AIG1: variants seen among roughly 807,000 people sequenced by gnomAD.
The protein encoded by AIG1 is androgen-induced gene 1 protein.
In AIG1, 23 loss-of-function variants were observed where a neutral mutation model predicts 31.4. The ratio of observed to expected loss-of-function variants is 0.73; its 90% CI spans 0.53 to 1.04. The LOEUF (loss-of-function observed/expected upper bound fraction) is 1.04. Ranked by LOEUF, AIG1 falls within the 50% of genes least tolerant of loss-of-function variation. The pLI, the probability that AIG1 is intolerant of heterozygous loss-of-function variation, is 0.00. For synonymous variants in AIG1, 100 were observed against 110.5 expected (o/e 0.90, Z 0.60); for missense variants, 274 against 295.0 (o/e 0.93, Z 0.52).
intron 4 of AIG1, among the ~76,000 whole-genome samples, chr6:143,294,627 G>A (rs1336453765): frequency 6.6e-6 from 1 of 152,200 alleles, no homozygotes; most frequent in Non-Finnish European, 1.5e-5. Flanking sequence ...TGTGGCTTCA[G>A]CTGTCATTAC....
chr6:143,187,833 GTGCCATTTCTCAA>G, intron 3 of AIG1: 1 of 1,463,430 alleles, frequency 6.8e-7, no homozygotes, highest in Non-Finnish European at 9.0e-7. Context: ...CCTTCAAGAA[GTGCCATTTCTCAA>G]GCGATGTACA....
At chr6:143,278,986 G>A (rs188723096) in intron 3 of AIG1, among the ~76,000 whole-genome samples, 366 of 152,052 alleles carry the variant, frequency 2.4e-3, no homozygotes, top group Non-Finnish European at 3.2e-3. Flanking sequence ...TGAGTGAATT[G>A]GGTGAGAACT....
rs567907410 is a variant in AIG1 at position 143,124,156 on chromosome 6, T to G, written c.142-12679T>G. Among the ~76,000 whole-genome samples the G allele has an allele frequency of 3.3e-5, 5 of 152,316 alleles. No individual in the cohort carries two copies. In the South Asian group the frequency reaches 1.0e-3, roughly 32 times the overall value. On this transcript the variant is annotated intron_variant, in intron 1 of 5. Transcript: ENST00000357847. Reference sequence around the variant, plus strand: ...CAGTTCCAAATCACCCTTCAACACCTTCTGTTCCTTAGCAGACTGGATTTT... The same window carrying G: ...CAGTTCCAAATCACCCTTCAACACCGTCTGTTCCTTAGCAGACTGGATTTT...
downstream of AIG1, chr6:143,342,720 G>A (rs1229460627): frequency 1.3e-5 from 13 of 992,646 alleles, no homozygotes; most frequent in African/African-American, 6.3e-5. Flanking sequence ...ATTAACAAGC[G>A]GTGGAATAAC....
chr6:143,292,223 G>A lies in AIG1; in HGVS notation c.515+7998G>A, dbSNP rs1248772086. On this transcript the variant is annotated intron_variant, in intron 4 of 5. Transcript: ENST00000357847. This position sits in a 1 kb window ranked among gnomAD's most constrained non-coding sequence, Gnocchi z 4.9. ...ACATCCTAAAATCCCCAGAACTTGT[G>A]GATATGTTCCCTGACATGGCATGTG... 6.6e-6 allele frequency among the ~76,000 whole-genome samples: 1 copy of A among 152,174 alleles called. No individual in the cohort carries two copies. Among genetic ancestry groups the A allele is most frequent in the Non-Finnish European group, 1.5e-5 (1 of 68,040 alleles).
At chr6:143,212,095 C>T (rs1791639280) in intron 3 of AIG1, among the ~76,000 whole-genome samples, 1 of 152,128 alleles carries the variant, frequency 6.6e-6, no homozygotes, top group Non-Finnish European at 1.5e-5. Context: ...TCCCTGGCCT[C>T]TTCTTACCAG....
intron 4 of AIG1, among the ~76,000 whole-genome samples, chr6:143,303,343 GT>G (rs1188406660): frequency 6.6e-6 from 1 of 151,898 alleles, no homozygotes; most frequent in East Asian, 1.9e-4. Context: ...TTCTTCTAGG[GT>G]TTTTATGGTT....
chr6:143,318,788 A>T (rs1775965341), intron 4 of AIG1, among the ~76,000 whole-genome samples: 1 of 152,018 alleles, frequency 6.6e-6, no homozygotes, highest in Non-Finnish European at 1.5e-5. Context: ...GCAAGGAAAA[A>T]AAAAAATCCC....
At chr6:143,116,660 A>C (rs1378880080) in intron 1 of AIG1, among the ~76,000 whole-genome samples, 1 of 149,216 alleles carries the variant, frequency 6.7e-6, no homozygotes, top group East Asian at 2.0e-4. Flanking sequence ...CAGGTTCAAG[A>C]GGCAGAAGAG....
chr6:143,152,632 A>T (rs1785340470), intron 2 of AIG1, among the ~76,000 whole-genome samples: 1 of 152,212 alleles, frequency 6.6e-6, no homozygotes, highest in Admixed American at 6.5e-5. Flanking sequence ...AAATGGATCT[A>T]ACTCTGGGCC....
At chr6:143,183,982 A>C (rs534128995) in intron 3 of AIG1, among the ~76,000 whole-genome samples, 2 of 152,310 alleles carry the variant, frequency 1.3e-5, no homozygotes, top group South Asian at 2.1e-4. Context: ...CAACCTCAGC[A>C]CACATCATTG....
intron 4 of AIG1, among the ~76,000 whole-genome samples, chr6:143,309,350 A>G (rs947727457): frequency 1.3e-5 from 2 of 152,140 alleles, no homozygotes; most frequent in African/African-American, 4.8e-5. Context: ...AAGAGCATAG[A>G]ATAAGGAATA....
intron 3 of AIG1, among the ~76,000 whole-genome samples, chr6:143,175,415 T>A (rs1376043407): frequency 6.6e-6 from 1 of 152,238 alleles, no homozygotes; most frequent in Non-Finnish European, 1.5e-5. Flanking sequence ...ATATTTGGAT[T>A]TCCCTTCTTC....
At chr6:143,107,964 C>T (rs987188041) in intron 1 of AIG1, among the ~76,000 whole-genome samples, 1 of 152,118 alleles carries the variant, frequency 6.6e-6, no homozygotes, top group East Asian at 1.9e-4. Context: ...AAGACTTTCT[C>T]TGGAAACTGA....
intron 1 of AIG1, among the ~76,000 whole-genome samples, chr6:143,092,015 G>T (rs1316514537): frequency 6.6e-6 from 1 of 152,036 alleles, no homozygotes. Context: ...AAAAAAAATG[G>T]TGAATCCTTT....
downstream of AIG1, chr6:143,342,296 G>T: frequency 2.9e-6 from 2 of 685,242 alleles, no homozygotes; most frequent in Non-Finnish European, 5.3e-6. Context: ...GCTCAGCGTG[G>T]GCTCCCCTGG....
intron 1 of AIG1, among the ~76,000 whole-genome samples, chr6:143,088,014 G>C (rs1191619857): frequency 6.6e-6 from 1 of 152,138 alleles, no homozygotes; most frequent in African/African-American, 2.4e-5. Flanking sequence ...TTTGGTTTGG[G>C]CTCATAAAAC....
chr6:143,290,704 C>T (rs954259619), intron 4 of AIG1, among the ~76,000 whole-genome samples: 1 of 152,138 alleles, frequency 6.6e-6, no homozygotes, highest in Non-Finnish European at 1.5e-5. Context: ...GCAGTTTTAA[C>T]AACAACCGAC....
At chr6:143,261,703 C>T (rs1795792226) in intron 3 of AIG1, among the ~76,000 whole-genome samples, 1 of 152,140 alleles carries the variant, frequency 6.6e-6, no homozygotes, top group African/African-American at 2.4e-5. Context: ...CCAGCCTATC[C>T]TCCACCAATG....
Sources: gnomAD v4.1 joint callset for allele counts (sites outside exome capture counted in the v4.1 genomes callset) on GRCh38, gnomAD v4.1.1 for gene constraint, Gnocchi (gnomAD v3.1) non-coding constraint, MANE v1.5 for transcripts, NCBI Gene and HGNC (gene_info 2026-07-23, HGNC 2026-07-21) for gene names.